MYL1: variants seen among roughly 807,000 people sequenced by gnomAD.
The protein encoded by MYL1 is myosin light chain 1.
In MYL1, 16 loss-of-function variants were observed where a neutral mutation model predicts 21.8. The ratio of observed to expected loss-of-function variants is 0.74; its 90% CI spans 0.50 to 1.12. The LOEUF (loss-of-function observed/expected upper bound fraction) is 1.12. Ranked by LOEUF, MYL1 falls within the 50% of genes most tolerant of loss-of-function variation. The pLI, the probability that MYL1 is intolerant of heterozygous loss-of-function variation, is 0.00. For synonymous variants in MYL1, 99 were observed against 85.2 expected (o/e 1.16, Z -0.89); for missense variants, 246 against 241.0 (o/e 1.02, Z -0.14).
chr2:210,295,417 T>A (rs1179818468), intron 3 of MYL1, among the ~76,000 whole-genome samples: 1 of 151,956 alleles, frequency 6.6e-6, no homozygotes, highest in Non-Finnish European at 1.5e-5. Flanking sequence ...GTGGACTCCT[T>A]GAGCTCAGGA....
chr2:210,294,205 T>C (rs1429679371), intron 4 of MYL1, 40 bp downstream of exon 4: 2 of 1,548,850 alleles, frequency 1.3e-6, no homozygotes, highest in African/African-American at 2.8e-5. Flanking sequence ...CTTTTCTATA[T>C]ATTCTGTCTC....
intron 1 of MYL1, among the ~76,000 whole-genome samples, chr2:210,306,945 C>G (rs1035024975): frequency 1.3e-5 from 2 of 152,126 alleles, no homozygotes; most frequent in African/African-American, 4.8e-5. Flanking sequence ...TATGAATACA[C>G]AATGTCAGCT....
At chr2:210,306,380 C>CAAAAAA in intron 1 of MYL1, among the ~76,000 whole-genome samples, 1 of 117,540 alleles carries the variant, frequency 8.5e-6, no homozygotes. Context: ...GACTCCATCT[C>CAAAAAA]AAAAAAAAAA....
intron 5 of MYL1, among the ~76,000 whole-genome samples, chr2:210,291,320 G>T (rs1357228980): frequency 1.3e-5 from 2 of 151,950 alleles, no homozygotes; most frequent in Non-Finnish European, 1.5e-5. Context: ...TTAACATAGG[G>T]TCTCATTGTG....
In MYL1 at chr2:210,315,052, T is replaced by A. The variant is rs757038593; in HGVS notation, c.-10A>T. The A allele has an allele frequency of 1.8e-5, 29 of 1,589,178 alleles. No homozygotes were observed. Among genetic ancestry groups the A allele is most frequent in the East Asian group, 1.1e-4 (5 of 44,706 alleles). ...CTTTCTTTGGTGCCATTTTTTTTTTTAAAAGGGTGGGTTAAAAAGAGAAGG... is the reference window on the plus strand; with the variant it reads ...CTTTCTTTGGTGCCATTTTTTTTTTAAAAAGGGTGGGTTAAAAAGAGAAGG... On this transcript the variant is annotated 5_prime_UTR_variant, in exon 1 of 7. Transcript: ENST00000352451.
chr2:210,295,177 A>AT (rs1268082011), intron 3 of MYL1, among the ~76,000 whole-genome samples: 4 of 152,050 alleles, frequency 2.6e-5, no homozygotes, highest in African/African-American at 9.7e-5. Flanking sequence ...ACCAAATCAA[A>AT]TTTTTTTTAC....
intron 1 of MYL1, among the ~76,000 whole-genome samples, chr2:210,307,637 T>C (rs1476463256): frequency 1.3e-5 from 2 of 152,200 alleles, no homozygotes; most frequent in East Asian, 3.8e-4. Flanking sequence ...CTTAGTAAAC[T>C]AGTTACATTC....
rs1690135549 is a variant in MYL1, at chr2:210,294,297, T to A, written c.426A>T (p.Glu142Asp). The A allele has an allele frequency of 1.9e-6, 3 of 1,613,894 alleles. No individual in the cohort carries two copies. Among genetic ancestry groups the A allele is most frequent in the Admixed American group, 3.3e-5 (2 of 59,978 alleles). Residue 142 changes from glutamate to aspartate, a missense_variant, in exon 4 of 7, where the codon GAA becomes GAT. Physicochemically the swap from Glu to Asp is conservative, Grantham distance 45 (BLOSUM62 2). Transcript: ENST00000352451. Reference protein sequence around the residue: ...FVEGLRVFDKEGNGTVMGAEL... With the variant: ...FVEGLRVFDKDGNGTVMGAEL... ...CAGCACCCATGACTGTGCCATTGCC[T>A]TCCTTGTCAAAGACACGCAGACCCT...
At chr2:210,312,907 C>A (rs1167242513) in intron 1 of MYL1, among the ~76,000 whole-genome samples, 1 of 151,632 alleles carries the variant, frequency 6.6e-6, no homozygotes, top group Non-Finnish European at 1.5e-5. Flanking sequence ...TATATTGTAT[C>A]CTCACAATAT....
At chr2:210,310,240 C>T (rs1257087562) in intron 1 of MYL1, among the ~76,000 whole-genome samples, 1 of 152,030 alleles carries the variant, frequency 6.6e-6, no homozygotes, top group South Asian at 2.1e-4. Flanking sequence ...ACAACCTATA[C>T]ATATTTTTAC....
intron 1 of MYL1, among the ~76,000 whole-genome samples, chr2:210,311,341 A>C (rs72998407): frequency 0.017 from 2,553 of 152,194 alleles, 37 homozygotes; most frequent in Non-Finnish European, 0.024. Context: ...TCAGTAAGTA[A>C]ATGTATTTGG....
At chr2:210,303,452 T>C in intron 1 of MYL1, 1 of 1,244,498 alleles carries the variant, frequency 8.0e-7, no homozygotes, top group Non-Finnish European at 1.1e-6. Context: ...TCTCCTCAGT[T>C]CCATTTTTGC....
At chr2:210,292,260 A>G (rs983507458) in intron 5 of MYL1, among the ~76,000 whole-genome samples, 7 of 151,934 alleles carry the variant, frequency 4.6e-5, no homozygotes, top group African/African-American at 1.7e-4. Context: ...TTTAGTAGAG[A>G]CAGGGTTTCA....
Position 210,308,399 on chromosome 2 carries a change from AATATATATATATAT to A in MYL1, c.133-5898_133-5885del, listed in dbSNP as rs71043988. Among the ~76,000 whole-genome samples the A allele has an allele frequency of 8.2e-3, 693 of 84,762 alleles. 20 individuals are homozygous for A. The highest frequency in any genetic ancestry group is 0.032 in the East Asian group (105 of 3,288). 55.6% of individuals were successfully genotyped at this position (84,762 alleles called of 152,430 possible). A position where few individuals can be genotyped will look rare whatever the true frequency, so the allele number is the denominator to read the frequency against. On this transcript the variant is annotated intron_variant, in intron 1 of 6. Coordinates refer to ENST00000352451, the MANE Select transcript of MYL1 (RefSeq NM_079420.3). ...CTTCAACATAGGATATACTTAGGCTAATATATATATATATATATATATATATATATATATATATA... is the reference window on the plus strand; with the variant it reads ...CTTCAACATAGGATATACTTAGGCTAATATATATATATATATATATATATA...
Position 210,291,069 on chromosome 2 carries a change from C to G in MYL1, c.562G>C (p.Val188Leu), listed in dbSNP as rs1405216100. 2.5e-6 allele frequency: 4 copies of G among 1,609,640 alleles called. No homozygotes were observed. The highest frequency in any genetic ancestry group is 1.3e-5 in the African/African-American group (1 of 74,702). Residue 188 changes from valine (V) to leucine (L), a missense_variant, in exon 6 of 7, where the codon GTC becomes CTC. Physicochemically the swap from Val to Leu is conservative, Grantham distance 32. Transcript: ENST00000352451. ...SNGCINYEAF[V>L]KHIMSI Reference sequence around the variant, plus strand: ...ATTCAGATAGACATGATGTGCTTGACAAAAGCTGTAGGAGCAAAATAGACA... The same window carrying G: ...ATTCAGATAGACATGATGTGCTTGAGAAAAGCTGTAGGAGCAAAATAGACA...
Position 210,298,204 on chromosome 2 carries a change from C to A in MYL1, c.304+216G>T, listed in dbSNP as rs114824752. Among the ~76,000 whole-genome samples, 818 of 152,010 alleles carry A rather than the reference C, an allele frequency of 5.4e-3. 10 individuals are homozygous for A. Among genetic ancestry groups the A allele is most frequent in the African/African-American group, 0.019 (773 of 41,468 alleles). ...AGGAAGTTTAACTTATTTTATAAAG[C>A]AAAAAGCTGAGACTTTCTATGGCCA... On this transcript the variant is annotated intron_variant, in intron 3 of 6. Transcript: ENST00000352451.
At chr2:210,294,000 A>G (rs1187454283) in intron 4 of MYL1, among the ~76,000 whole-genome samples, 200 bp from the exon 5 acceptor site, 1 of 152,228 alleles carries the variant, frequency 6.6e-6, no homozygotes, top group East Asian at 1.9e-4. Context: ...CTGTTGTCAT[A>G]CAAAGTGTCC....
chr2:210,304,552 A>C (rs1008417662), intron 1 of MYL1, among the ~76,000 whole-genome samples: 1 of 152,034 alleles, frequency 6.6e-6, no homozygotes, highest in South Asian at 2.1e-4. Flanking sequence ...ATTTTATTTT[A>C]TTATTTTTGA....
chr2:210,298,538 A>G lies in MYL1; in HGVS notation c.186T>C (p.Phe62=). ...TGATCTTGGAATCACCTGTTCTGTC[A>G]AACAGGAGAAATGCCTCCTTGAATT... The part of the protein sequence containing the change: ...QDEFKEAFLL[F]DRTGDSKITL... Residue 62 remains phenylalanine, a synonymous_variant, in exon 3 of 7, where the codon TTT becomes TTC. Coordinates refer to ENST00000352451, the MANE Select transcript of MYL1 (RefSeq NM_079420.3). The G allele has an allele frequency of 6.2e-7, 1 of 1,614,084 alleles. No homozygotes were observed. The highest frequency in any genetic ancestry group is 8.5e-7 in the Non-Finnish European group (1 of 1,179,992).
Sources: gnomAD v4.1 joint callset for allele counts (sites outside exome capture counted in the v4.1 genomes callset) on GRCh38, gnomAD v4.1.1 for gene constraint, MANE v1.5 for transcripts, NCBI Gene and HGNC (gene_info 2026-07-23, HGNC 2026-07-21) for gene names.